Variants in ADGRG1 observed in about 807,000 individuals in gnomAD.
ADGRG1 encodes the protein 7-transmembrane protein with no EGF-like N-terminal domains-1.
ADGRG1 carries 53 observed loss-of-function variants against 73.5 expected under a neutral mutation model. The ratio of observed to expected loss-of-function variants is 0.72; its 90% CI spans 0.58 to 0.91. The LOEUF is 0.91. Among genes scored for constraint, ADGRG1 ranks in the 40% least tolerant of loss-of-function variants. ADGRG1 has a pLI of 0.00. For synonymous variants in ADGRG1, 394 were observed against 374.4 expected, an observed-to-expected ratio of 1.05 and a Z score of -0.60; for missense variants, 795 against 871.8, an observed-to-expected ratio of 0.91 and a Z score of 1.11.
At chr16:57,639,639 T>G (rs2040259880) in intron 1 of ADGRG1, 1 of 985,444 alleles carries the variant, frequency 1.0e-6, no homozygotes. Flanking sequence ...TTAATGTATC[T>G]ATAGTCTGCC....
chr16:57,625,110 G>A (rs1309251354), upstream of ADGRG1, among the ~76,000 whole-genome samples: 2 of 151,704 alleles, frequency 1.3e-5, no homozygotes, highest in Non-Finnish European at 2.9e-5. Context: ...CCCTCAAAAC[G>A]AAGGGTTTCC....
At chr16:57,658,443 G>A (rs763792755) in intron 10 of ADGRG1, among the ~76,000 whole-genome samples, 1 of 152,242 alleles carries the variant, frequency 6.6e-6, no homozygotes, top group Non-Finnish European at 1.5e-5. Context: ...TTTGGGTAGA[G>A]GAGAGGCACC....
intron 1 of ADGRG1, chr16:57,633,672 G>C: frequency 4.5e-6 from 1 of 222,858 alleles, no homozygotes; most frequent in Non-Finnish European, 7.5e-6. Flanking sequence ...ATGGCATCCT[G>C]AGAGGATTAA....
chr16:57,631,748 G>A (rs975302381), intron 1 of ADGRG1: 10 of 985,362 alleles, frequency 1.0e-5, no homozygotes, highest in South Asian at 4.7e-5. Context: ...GCTGTGGCAC[G>A]GCCTCAGCCT....
chr16:57,635,868 G>A, intron 1 of ADGRG1: 1 of 985,282 alleles, frequency 1.0e-6, no homozygotes, highest in Non-Finnish European at 1.2e-6. Context: ...CTATAAAATG[G>A]GAATGATAGT....
rs1212884120 is a variant in ADGRG1 at position 57,664,957 on chromosome 16, T to C, written c.*1375T>C. The stretch of plus-strand genomic sequence containing the variant: ...ATTAAAAAGAAGTACATGTTCATTG[T>C]AGAGAATTTGGAAACTGTAGAAGAG... On this transcript the variant is annotated 3_prime_UTR_variant, in exon 14 of 14. Coordinates refer to ENST00000562631, the MANE Select transcript of ADGRG1 (RefSeq NM_201525.4). The C allele has an allele frequency of 2.6e-5, 4 of 153,148 alleles. No individual in the cohort carries two copies. Among genetic ancestry groups the C allele is most frequent in the Non-Finnish European group, 5.9e-5 (4 of 68,034 alleles). 9.5% of individuals were successfully genotyped at this position (153,148 alleles called of 1,614,324 possible). A position where few individuals can be genotyped will look rare whatever the true frequency, so the allele number is the denominator to read the frequency against.
chr16:57,664,064 G>A lies in ADGRG1; in HGVS notation c.*482G>A, dbSNP rs1001373925. On this transcript the variant is annotated 3_prime_UTR_variant, in exon 14 of 14. Coordinates refer to ENST00000562631, the MANE Select transcript of ADGRG1 (RefSeq NM_201525.4). The stretch of plus-strand genomic sequence containing the variant: ...TTTAACCTCAGGTGGCACCCAGGGC[G>A]AATGGGGCCCAGGGCAGACCTTCAG... 6.3e-5 allele frequency: 12 copies of A among 190,762 alleles called. No individual in the cohort carries two copies. Among genetic ancestry groups the A allele is most frequent in the Middle Eastern group, 2.1e-3 (1 of 476 alleles). 11.8% of individuals were successfully genotyped at this position (190,762 alleles called of 1,614,324 possible).
At chr16:57,661,991 C>T (rs761670813) in intron 13 of ADGRG1, 26 bp downstream of exon 13, 70 of 1,574,756 alleles carry the variant, frequency 4.4e-5, no homozygotes, top group Non-Finnish European at 5.5e-5. Context: ...GTCCCTTGGC[C>T]CAGGCAGGGT....
chr16:57,645,650 C>CCCG (rs1226129594), intron 1 of ADGRG1, among the ~76,000 whole-genome samples: 5 of 152,202 alleles, frequency 3.3e-5, no homozygotes. Context: ...GTTCCCAAGC[C>CCCG]TGCAGTATGT....
chr16:57,627,672 T>A (rs1240430655), upstream of ADGRG1: 1 of 420,696 alleles, frequency 2.4e-6, no homozygotes, highest in Non-Finnish European at 3.2e-6. Context: ...CACTCACCCT[T>A]CTGGCATTGT....
intron 3 of ADGRG1, chr16:57,652,231 A>AC (rs3842362): frequency 0.044 from 31,155 of 705,380 alleles, 2,552 homozygotes; most frequent in East Asian, 0.38. Context: ...TGTGACAGGT[A>AC]CATGTGGCCA....
chr16:57,636,051 G>A (rs1474264182), intron 1 of ADGRG1: 2 of 985,232 alleles, frequency 2.0e-6, no homozygotes, highest in Non-Finnish European at 2.4e-6. Context: ...CATGGCCATA[G>A]GCACGTGCCC....
rs1299109325 is a variant in ADGRG1 at position 57,645,027 on chromosome 16, TCACACACTCATGCACATA to T, written c.-35-5209_-35-5192del. The T allele has an allele frequency of 6.6e-5, 64 of 964,134 alleles. No individual in the cohort carries two copies. The African/African-American group carries it at 7.4e-4, about 11-fold the overall frequency. The allele number at this position is 964,134 out of a possible 1,614,324, so 59.7% of individuals were successfully genotyped here. A position where few individuals can be genotyped will look rare whatever the true frequency, so the allele number is the denominator to read the frequency against. ...ACTCATGCATGGGCGCACACACTCATCACACACTCATGCACATACACACACTCATGCACACGCACACAC... is the reference window on the plus strand; with the variant it reads ...ACTCATGCATGGGCGCACACACTCATCACACACTCATGCACACGCACACAC... On this transcript the variant is annotated intron_variant, in intron 1 of 13. Transcript: ENST00000562631.
At chr16:57,628,391 G>C (rs1426556836), upstream of ADGRG1, 2 of 445,236 alleles carry the variant, frequency 4.5e-6, no homozygotes, top group African/African-American at 4.3e-5. Flanking sequence ...CCTGAACACT[G>C]TCTGCCTGGA....
At chr16:57,631,383 G>T in intron 1 of ADGRG1, 1 of 985,952 alleles carries the variant, frequency 1.0e-6, no homozygotes, top group Non-Finnish European at 1.2e-6. Context: ...GGGTCTGGGG[G>T]GCTGTGCCAT....
intron 1 of ADGRG1, chr16:57,643,964 G>C (rs1183422344): frequency 2.0e-6 from 2 of 984,758 alleles, no homozygotes; most frequent in East Asian, 1.1e-4. Context: ...TGTCTACTTT[G>C]AGCTGTTGGG....
At chr16:57,630,215 C>G (rs985196323) in intron 1 of ADGRG1, 27 of 432,746 alleles carry the variant, frequency 6.2e-5, no homozygotes, top group African/African-American at 5.8e-4. Context: ...CCTGTTGGCT[C>G]CTTGGGGTCA....
intron 12 of ADGRG1, chr16:57,661,200 G>C (rs1301002403): frequency 2.7e-6 from 2 of 742,676 alleles, no homozygotes. Flanking sequence ...TCCCCATGCA[G>C]ATGGGAAGAC....
At chr16:57,652,434 G>T (rs1191480063) in intron 3 of ADGRG1, among the ~76,000 whole-genome samples, 1 of 152,158 alleles carries the variant, frequency 6.6e-6, no homozygotes, top group Non-Finnish European at 1.5e-5. Context: ...AGTGCAACAG[G>T]CAGGCCCAGG....
Sources: gnomAD v4.1 joint callset for allele counts (sites outside exome capture counted in the v4.1 genomes callset) on GRCh38, gnomAD v4.1.1 for gene constraint, MANE v1.5 for transcripts, NCBI Gene and HGNC (gene_info 2026-07-23, HGNC 2026-07-21) for gene names.